TRAFD1: variants seen among roughly 807,000 people sequenced by gnomAD.
The protein encoded by TRAFD1 is TRAF-type zinc finger domain containing 1, also known as TRAF-type zinc finger domain-containing protein 1.
TRAFD1 carries 38 observed loss-of-function variants against 65.3 expected under a neutral mutation model. The observed-to-expected ratio is 0.58, with a 90% CI of 0.45 to 0.76. The LOEUF is 0.76. TRAFD1 is among the 30% of genes least tolerant of loss of function. The pLI is 0.00. For synonymous variants in TRAFD1, 223 were observed against 257.2 expected (o/e 0.87, Z 1.27); for missense variants, 631 against 712.6 (o/e 0.89, Z 1.30).
intron 6 of TRAFD1, among the ~76,000 whole-genome samples, chr12:112,143,594 T>C (rs2030149901): frequency 6.6e-6 from 1 of 152,194 alleles, no homozygotes; most frequent in Non-Finnish European, 1.5e-5. Context: ...AATCTGTTGT[T>C]TAATGTGTCC....
intron 9 of TRAFD1, among the ~76,000 whole-genome samples, chr12:112,151,395 T>C (rs1157952779): frequency 6.6e-6 from 1 of 151,402 alleles, no homozygotes; most frequent in Non-Finnish European, 1.5e-5. Context: ...TGAGCAGTTG[T>C]CTTTTTTTTT....
intron 4 of TRAFD1, among the ~76,000 whole-genome samples, chr12:112,136,562 C>T (rs1020538306): frequency 4.6e-5 from 7 of 152,160 alleles, no homozygotes; most frequent in Non-Finnish European, 7.4e-5. Context: ...GGATTAAAGG[C>T]GTGAGCCACC....
At chr12:112,149,673 C>G (rs1006737905) in intron 8 of TRAFD1, 78 bp from the exon 9 acceptor site, 1 of 1,582,252 alleles carries the variant, frequency 6.3e-7, no homozygotes. Flanking sequence ...GAGGAATACA[C>G]TGCTGTTCCT....
At chr12:112,128,661 A>C (rs528050440) in intron 1 of TRAFD1, among the ~76,000 whole-genome samples, 1 of 152,186 alleles carries the variant, frequency 6.6e-6, no homozygotes, top group African/African-American at 2.4e-5. Flanking sequence ...CATGATTTCT[A>C]TGGTGTTCTT....
chr12:112,127,224 C>G (rs1048075695), intron 1 of TRAFD1, among the ~76,000 whole-genome samples: 1 of 152,100 alleles, frequency 6.6e-6, no homozygotes, highest in Non-Finnish European at 1.5e-5. Flanking sequence ...TACTTCAGTT[C>G]TTAATTTAAA....
In TRAFD1 at chr12:112,130,839, T is replaced by A. The variant is rs7299227; in HGVS notation, c.47+270T>A. On this transcript the variant is annotated intron_variant, in intron 2 of 11. Coordinates refer to ENST00000412615, the MANE Select transcript of TRAFD1 (RefSeq NM_006700.3). This position sits in a 1 kb window ranked among gnomAD's most constrained non-coding sequence, Gnocchi z 4.4. ...CTTGGTGCTATACAAGTGCTGTTAC[T>A]GTAAGCTGACAAAAAAAGCAAAGCA... Among the ~76,000 whole-genome samples, 6,228 of 152,302 alleles carry A rather than the reference T, an allele frequency of 0.041. 280 individuals carry two copies. Among genetic ancestry groups the A allele is most frequent in the African/African-American group, 0.11 (4,535 of 41,544 alleles).
chr12:112,145,211 G>T (rs759127218), intron 6 of TRAFD1, among the ~76,000 whole-genome samples: 1 of 152,168 alleles, frequency 6.6e-6, no homozygotes, highest in South Asian at 2.1e-4. Flanking sequence ...CGTAAAATAA[G>T]GATAATGTAG....
chr12:112,141,334 T>C, intron 5 of TRAFD1, 110 bp downstream of exon 5: 2 of 1,244,468 alleles, frequency 1.6e-6, no homozygotes, highest in Non-Finnish European at 2.2e-6. Flanking sequence ...CGACTGTAGC[T>C]GAGTAACACT....
chr12:112,136,607 C>T (rs1359813424), intron 4 of TRAFD1, among the ~76,000 whole-genome samples: 1 of 151,870 alleles, frequency 6.6e-6, no homozygotes, highest in African/African-American at 2.4e-5. Flanking sequence ...TAATTAAAAA[C>T]CTTTTTTAAG....
intron 5 of TRAFD1, 28 bp from the exon 6 acceptor site, chr12:112,142,061 T>C: frequency 6.2e-7 from 1 of 1,609,010 alleles, no homozygotes; most frequent in Non-Finnish European, 8.5e-7. Context: ...TAATGTATCC[T>C]GAATGTTGGT....
At chr12:112,135,585 C>G (rs547426391) in intron 4 of TRAFD1, among the ~76,000 whole-genome samples, 5 of 152,130 alleles carry the variant, frequency 3.3e-5, no homozygotes, top group Non-Finnish European at 1.5e-5. Context: ...AGGCGCCCAC[C>G]ACCACTCCCA....
rs761598188 is a variant in TRAFD1 at position 112,130,489 on chromosome 12, T to A, written c.-12-22T>A. 4 of 1,598,056 alleles carry A rather than the reference T, an allele frequency of 2.5e-6. No individual in the cohort carries two copies. The highest frequency in any genetic ancestry group is 1.7e-5 in the Admixed American group (1 of 59,264). ...AAGCAGAAATGAAAGAGAAAGTTCA[T>A]GTCTTCCTTTGTGGTTTTCAGGAAG... is the stretch of plus-strand genomic sequence containing the variant. On this transcript the variant is annotated intron_variant, in intron 1 of 11. Transcript: ENST00000412615. The surrounding 1 kb of genome is among the most constrained non-coding windows in gnomAD (Gnocchi z 4.4).
rs2030433499 is a variant in TRAFD1, at chr12:112,152,311, C to A, written c.1620-116C>A. 1 of 1,467,356 alleles carries A rather than the reference C, an allele frequency of 6.8e-7. No individual in the cohort carries two copies. Among genetic ancestry groups the A allele is most frequent in the Non-Finnish European group, 9.3e-7 (1 of 1,076,408 alleles). The allele number at this position is 1,467,356 out of a possible 1,614,324, so 90.9% of individuals were successfully genotyped here. ...TGACTCCAAAAAAATTATTTTGTGG[C>A]CTATGGGTTTTTTGGGGTTTGTCTG... is the stretch of plus-strand genomic sequence containing the variant. On this transcript the variant is annotated intron_variant, in intron 10 of 11. Transcript: ENST00000412615. The surrounding 1 kb of genome is among the most constrained non-coding windows in gnomAD (Gnocchi z 5.0).
chr12:112,152,346 G>A lies in TRAFD1; in HGVS notation c.1620-81G>A. 6.4e-7 allele frequency: 1 copy of A among 1,572,354 alleles called. No homozygotes were observed. The highest frequency in any genetic ancestry group is 8.7e-7 in the Non-Finnish European group (1 of 1,154,056). ...TTTTGGGGTTTGTCTGCTAGCATAG[G>A]ACTGCTTCCTGTTCCCTCTGAGTTT... On this transcript the variant is annotated intron_variant, in intron 10 of 11. Coordinates refer to ENST00000412615, the MANE Select transcript of TRAFD1 (RefSeq NM_006700.3). The surrounding 1 kb of genome is among the most constrained non-coding windows in gnomAD (Gnocchi z 5.0).
At chr12:112,148,960 G>A (rs1007276170) in intron 8 of TRAFD1, among the ~76,000 whole-genome samples, 2 of 152,184 alleles carry the variant, frequency 1.3e-5, no homozygotes, top group African/African-American at 4.8e-5. Context: ...GCTTATGCCT[G>A]TGATCCCAGC....
chr12:112,151,100 T>TGGTGGCGGGCGC (rs527761313), intron 9 of TRAFD1, among the ~76,000 whole-genome samples: 2,412 of 151,660 alleles, frequency 0.016, 58 homozygotes, highest in African/African-American at 0.055. Context: ...TAGCCGGGCG[T>TGGTGGCGGGCGC]GGTGGCGGGC....
At position 112,128,820 on chromosome 12, in the gene TRAFD1, C is replaced by T. The variant is rs2079553233; in HGVS notation, c.-12-1691C>T. On this transcript the variant is annotated intron_variant, in intron 1 of 11. Coordinates refer to ENST00000412615, the MANE Select transcript of TRAFD1 (RefSeq NM_006700.3). ...GGGAGGCTGAGGCTGGCTGGTGGATCATATGAGGTCAGGAGTTTGAGACCA... is the reference window on the plus strand; with the variant it reads ...GGGAGGCTGAGGCTGGCTGGTGGATTATATGAGGTCAGGAGTTTGAGACCA... Among the ~76,000 whole-genome samples the T allele has an allele frequency of 2.0e-5, 3 of 151,970 alleles. No individual in the cohort carries two copies. The South Asian group carries it at 6.2e-4, about 32-fold the overall frequency.
chr12:112,132,298 A>C (rs1160540277), intron 2 of TRAFD1, among the ~76,000 whole-genome samples: 2 of 152,144 alleles, frequency 1.3e-5, no homozygotes, highest in Admixed American at 1.3e-4. Flanking sequence ...ATTCTATGAT[A>C]CTGTAATGAA....
chr12:112,141,439 T>C (rs887560574), intron 5 of TRAFD1: 3 of 600,074 alleles, frequency 5.0e-6, no homozygotes, highest in Non-Finnish European at 8.6e-6. Flanking sequence ...GTGTTGTAAA[T>C]AGCCAACACT....
Sources: allele counts gnomAD v4.1 joint callset (sites outside exome capture counted in the v4.1 genomes callset), GRCh38; gene constraint gnomAD v4.1.1; non-coding constraint Gnocchi (gnomAD v3.1); transcripts MANE v1.5; gene names NCBI Gene and HGNC (gene_info 2026-07-23, HGNC 2026-07-21).